ABLIM2: variants seen among roughly 807,000 people sequenced by gnomAD.
ABLIM2 encodes actin-binding LIM protein 2.
Under a neutral mutation model 97.7 loss-of-function variants are expected in ABLIM2, and 53 were observed. The observed-to-expected ratio is 0.54, with a 90% CI of 0.44 to 0.68. The LOEUF is 0.68. ABLIM2 is among the 30% of genes least tolerant of loss of function. The pLI is 0.00. For missense variants in ABLIM2, 835 were observed against 867.2 expected (o/e 0.96, Z 0.47); for synonymous variants, 361 against 345.8 (o/e 1.04, Z -0.49).
chr4:8,158,588 C>T, intron 1 of ABLIM2, 92 bp downstream of exon 1: 2 of 1,423,238 alleles, frequency 1.4e-6, no homozygotes, highest in Admixed American at 2.3e-5. Context: ...TTTTCCCCGG[C>T]GTTGCAGGTG....
Position 8,150,492 on chromosome 4 carries a change from G to A in ABLIM2, c.10+8188C>T, listed in dbSNP as rs1019279110. Among the ~76,000 whole-genome samples the A allele has an allele frequency of 3.9e-5, 6 of 152,218 alleles. No homozygotes were observed. The highest frequency in any genetic ancestry group is 1.4e-4 in the African/African-American group (6 of 41,462). ...AGCATGCTAGCCGCAGTGACACTGAGCACTTTTCTTGGTGCGCTGGCTGGA... is the reference window on the plus strand; with the variant it reads ...AGCATGCTAGCCGCAGTGACACTGAACACTTTTCTTGGTGCGCTGGCTGGA... On this transcript the variant is annotated intron_variant, in intron 1 of 20. Transcript: ENST00000447017. The surrounding 1 kb of genome is among the most constrained non-coding windows in gnomAD (Gnocchi z 6.3).
At chr4:8,115,914 G>A (rs1842582535) in intron 1 of ABLIM2, among the ~76,000 whole-genome samples, 1 of 152,164 alleles carries the variant, frequency 6.6e-6, no homozygotes, top group South Asian at 2.1e-4. Flanking sequence ...ATGCTGGGAC[G>A]AAGCTCAAAC....
chr4:8,073,846 G>T (rs1814035398), intron 6 of ABLIM2, among the ~76,000 whole-genome samples: 2 of 152,112 alleles, frequency 1.3e-5, no homozygotes, highest in South Asian at 4.1e-4. Context: ...CCGGCATTTT[G>T]GGAGGCTGAG....
In ABLIM2 at chr4:8,032,550, C is replaced by T. The variant is rs1019503071; in HGVS notation, c.1048-2774G>A. 1.2e-4 allele frequency: 176 copies of T among 1,518,392 alleles called. No individual in the cohort carries two copies. Among genetic ancestry groups the T allele is most frequent in the African/African-American group, 5.5e-4 (40 of 72,898 alleles). 94.1% of individuals were successfully genotyped at this position (1,518,392 alleles called of 1,614,324 possible). A position where few individuals can be genotyped will look rare whatever the true frequency, so the allele number is the denominator to read the frequency against. ...CCCGGGCCCCATGGTGAAGAGCCAC[C>T]GAGGAGGCCCTTCCCGGGAGTGCGG... On this transcript the variant is annotated intron_variant, in intron 10 of 20. Transcript: ENST00000447017. This position sits in a 1 kb window ranked among gnomAD's most constrained non-coding sequence, Gnocchi z 4.3.
intron 6 of ABLIM2, among the ~76,000 whole-genome samples, chr4:8,070,018 TTGTG>T (rs1022819768): frequency 6.6e-6 from 1 of 152,098 alleles, no homozygotes; most frequent in Non-Finnish European, 1.5e-5. Context: ...TTTTGTGTGT[TTGTG>T]TGTGTCTATG....
At chr4:8,115,483 C>T (rs1487245828) in intron 1 of ABLIM2, among the ~76,000 whole-genome samples, 1 of 152,172 alleles carries the variant, frequency 6.6e-6, no homozygotes, top group Non-Finnish European at 1.5e-5. Flanking sequence ...CTAAGATGTG[C>T]TTGGGGAACA....
chr4:7,972,854 T>C (rs751391074), intron 20 of ABLIM2, among the ~76,000 whole-genome samples: 23 of 152,118 alleles, frequency 1.5e-4, no homozygotes, highest in Non-Finnish European at 2.5e-4. Flanking sequence ...AAACCTCCTA[T>C]TGTCACCCTC....
At position 8,032,518 on chromosome 4, in the gene ABLIM2, C is replaced by T; in HGVS notation, c.1048-2742G>A. ...AGGAGGGTGCCCCATGTCACAAGGG[C>T]CGTGGCCCCGGGCCCCATGGTGAAG... On this transcript the variant is annotated intron_variant, in intron 10 of 20. Coordinates refer to ENST00000447017, the MANE Select transcript of ABLIM2 (RefSeq NM_001130083.2). This position sits in a 1 kb window ranked among gnomAD's most constrained non-coding sequence, Gnocchi z 4.3. The T allele has an allele frequency of 3.5e-6, 4 of 1,151,274 alleles. No homozygotes were observed. Among genetic ancestry groups the T allele is most frequent in the Non-Finnish European group, 5.1e-6 (4 of 787,948 alleles). The allele number at this position is 1,151,274 out of a possible 1,614,324, so 71.3% of individuals were successfully genotyped here. A position where few individuals can be genotyped will look rare whatever the true frequency, so the allele number is the denominator to read the frequency against.
At chr4:8,080,172 C>T (rs1818864542) in intron 5 of ABLIM2, among the ~76,000 whole-genome samples, 1 of 152,202 alleles carries the variant, frequency 6.6e-6, no homozygotes, top group Non-Finnish European at 1.5e-5. Flanking sequence ...TGGCAGCTGC[C>T]CCAGGGGCCC....
chr4:8,069,424 G>A lies in ABLIM2; in HGVS notation c.675+8204C>T, dbSNP rs550972127. 7.2e-5 allele frequency among the ~76,000 whole-genome samples: 11 copies of A among 152,338 alleles called. No individual in the cohort carries two copies. The highest frequency in any genetic ancestry group is 6.2e-4 in the South Asian group (3 of 4,830). On this transcript the variant is annotated intron_variant, in intron 6 of 20. Transcript: ENST00000447017. This position sits in a 1 kb window ranked among gnomAD's most constrained non-coding sequence, Gnocchi z 4.2. ...AGGGTCCCACCACGAAGACAGTGATGAGCACATTGCCCGGGGACCAGGGGA... is the reference window on the plus strand; with the variant it reads ...AGGGTCCCACCACGAAGACAGTGATAAGCACATTGCCCGGGGACCAGGGGA...
rs1355141674 is a variant in ABLIM2 at position 8,001,230 on chromosome 4, G to A, written c.1618+6829C>T. On this transcript the variant is annotated intron_variant, in intron 16 of 20. Transcript: ENST00000447017. The surrounding 1 kb of genome is among the most constrained non-coding windows in gnomAD (Gnocchi z 4.2). ...TGTCGGGGCCCAGGCAGCATTGGAG[G>A]AGGACAGAGGAGGCCCTGGGGCTGT... is the stretch of plus-strand genomic sequence containing the variant. Among the ~76,000 whole-genome samples the A allele has an allele frequency of 5.3e-5, 8 of 152,326 alleles. No individual in the cohort carries two copies. Among genetic ancestry groups the A allele is most frequent in the Non-Finnish European group, 2.9e-5 (2 of 68,024 alleles).
chr4:8,014,074 T>C (rs950648302), intron 14 of ABLIM2, among the ~76,000 whole-genome samples: 28 of 152,234 alleles, frequency 1.8e-4, no homozygotes, highest in African/African-American at 6.8e-4. Context: ...AGCCAGCAAG[T>C]GGTCTATGCC....
At chr4:8,146,965 G>A (rs767096167) in intron 1 of ABLIM2, among the ~76,000 whole-genome samples, 2 of 152,218 alleles carry the variant, frequency 1.3e-5, no homozygotes, top group Non-Finnish European at 2.9e-5. Context: ...TGCTGCCATA[G>A]ATGGACAGGA....
intron 14 of ABLIM2, among the ~76,000 whole-genome samples, chr4:8,017,312 T>TC (rs1770106959): frequency 6.6e-6 from 1 of 151,378 alleles, no homozygotes; most frequent in Non-Finnish European, 1.5e-5. Flanking sequence ...TTTTTTTTTT[T>TC]CAGAGAGAGT....
rs182826496 is a variant in ABLIM2 at position 8,033,615 on chromosome 4, G to A, written c.1047+2534C>T. On this transcript the variant is annotated intron_variant, in intron 10 of 20. Transcript: ENST00000447017. The surrounding 1 kb of genome is among the most constrained non-coding windows in gnomAD (Gnocchi z 4.5). ...CACACAGGTGCCACTGTTTAGCAGA[G>A]CGGGAGGCCAACCCAGGTCTCCCCA... Among the ~76,000 whole-genome samples, 20 of 152,344 alleles carry A rather than the reference G, an allele frequency of 1.3e-4. No homozygotes were observed. In the East Asian group the frequency reaches 2.7e-3, roughly 21 times the overall value.
intron 20 of ABLIM2, among the ~76,000 whole-genome samples, chr4:7,978,723 T>C (rs1266248331): frequency 2.1e-5 from 3 of 143,780 alleles, no homozygotes; most frequent in Non-Finnish European, 3.2e-5. Context: ...ATAACCATTT[T>C]ACAAAGGTCA....
chr4:7,990,892 C>A (rs76716504), intron 17 of ABLIM2, among the ~76,000 whole-genome samples: 22 of 152,166 alleles, frequency 1.4e-4, no homozygotes, highest in African/African-American at 4.6e-4. Context: ...AAAGAGAATC[C>A]CAAAGCAAAG....
At chr4:8,051,479 T>C (rs1471908670) in intron 8 of ABLIM2, among the ~76,000 whole-genome samples, 3 of 148,968 alleles carry the variant, frequency 2.0e-5, no homozygotes, top group Admixed American at 6.8e-5. Flanking sequence ...ATAGCTTGAA[T>C]CTGGGAAGCA....
chr4:8,062,351 C>T (rs1803808789), intron 6 of ABLIM2, among the ~76,000 whole-genome samples: 1 of 152,204 alleles, frequency 6.6e-6, no homozygotes, highest in African/African-American at 2.4e-5. Context: ...TAGCAGGTCA[C>T]ACCACAGCAT....
Sources: allele counts gnomAD v4.1 joint callset (sites outside exome capture counted in the v4.1 genomes callset), GRCh38; gene constraint gnomAD v4.1.1; non-coding constraint Gnocchi (gnomAD v3.1); transcripts MANE v1.5; gene names NCBI Gene and HGNC (gene_info 2026-07-23, HGNC 2026-07-21).